ZFPM2: variants seen among roughly 807,000 people sequenced by gnomAD.
ZFPM2 encodes the protein zinc finger protein ZFPM2.
In ZFPM2, 20 loss-of-function variants were observed where a neutral mutation model predicts 98.6. The observed-to-expected ratio is 0.20, with a 90% CI of 0.14 to 0.29. ZFPM2 has a LOEUF of 0.29. Ranked by LOEUF, ZFPM2 falls within the 10% of genes least tolerant of loss-of-function variation. The probability of loss-of-function intolerance (pLI) is 1.00; values close to 1 mark genes in which losing one functional copy is unlikely to be tolerated. For synonymous variants in ZFPM2, 518 were observed against 502.7 expected, an observed-to-expected ratio of 1.03 and a Z score of -0.41; for missense variants, 1,310 against 1,388.6, an observed-to-expected ratio of 0.94 and a Z score of 0.90.
intron 7 of ZFPM2, among the ~76,000 whole-genome samples, chr8:105,799,542 A>G (rs146283314): frequency 1.1e-3 from 173 of 152,270 alleles, no homozygotes; most frequent in African/African-American, 4.1e-3. Flanking sequence ...AAATAGGCTG[A>G]AAAACAAATA....
intron 5 of ZFPM2, among the ~76,000 whole-genome samples, chr8:105,740,348 C>T (rs1459708790): frequency 6.6e-6 from 1 of 151,746 alleles, no homozygotes; most frequent in Non-Finnish European, 1.5e-5. Context: ...ACTGCTTATT[C>T]TACTGCAATG....
intron 1 of ZFPM2, chr8:105,418,567 A>G: frequency 1.9e-6 from 1 of 517,648 alleles, no homozygotes; most frequent in South Asian, 1.4e-5. Context: ...AAATTCAATT[A>G]ATTATGAATA....
chr8:105,408,447 G>A (rs753249829), intron 1 of ZFPM2, among the ~76,000 whole-genome samples: 2 of 151,814 alleles, frequency 1.3e-5, no homozygotes, highest in East Asian at 2.0e-4. Context: ...TAATTAGAGC[G>A]GATTGAACAT....
At chr8:105,764,287 GACACACAC>G (rs59943408) in intron 5 of ZFPM2, among the ~76,000 whole-genome samples, 12,981 of 139,504 alleles carry the variant, frequency 0.093, 839 homozygotes, top group East Asian at 0.35. Context: ...CTCTCTCTCT[GACACACAC>G]ACACACACAC....
At chr8:105,549,174 C>T (rs777081802) in intron 3 of ZFPM2, among the ~76,000 whole-genome samples, 1 of 151,932 alleles carries the variant, frequency 6.6e-6, no homozygotes, top group Non-Finnish European at 1.5e-5. Flanking sequence ...AATCTGCCAT[C>T]TCTATACTCT....
At position 105,457,676 on chromosome 8, in the gene ZFPM2, GATA is replaced by G. The variant is rs1341738583; in HGVS notation, c.301+13296_301+13298del. Among the ~76,000 whole-genome samples the G allele has an allele frequency of 3.3e-5, 5 of 152,324 alleles. No homozygotes were observed. In the East Asian group the frequency reaches 7.7e-4, roughly 24 times the overall value. ...GACCCACTTTAAGTTGTTACTCATA[GATA>G]GAAAATGGTTTTTGTTTGTTTGTTT... On this transcript the variant is annotated intron_variant, in intron 3 of 7. Coordinates refer to ENST00000407775, the MANE Select transcript of ZFPM2 (RefSeq NM_012082.4).
Position 105,524,343 on chromosome 8 carries a change from G to A in ZFPM2, c.302-37020G>A, listed in dbSNP as rs75005393. On this transcript the variant is annotated intron_variant, in intron 3 of 7. Transcript: ENST00000407775. ...TACCAACATTTTTTCTCCATCATTT[G>A]CAGAGTGAATGAGTAAATAAGTGAA... is the stretch of plus-strand genomic sequence containing the variant. Among the ~76,000 whole-genome samples, 426 of 152,156 alleles carry A rather than the reference G, an allele frequency of 2.8e-3. 2 individuals carry two copies. Among genetic ancestry groups the A allele is most frequent in the African/African-American group, 9.8e-3 (408 of 41,506 alleles).
chr8:105,390,454 T>G (rs1213493293), intron 1 of ZFPM2, among the ~76,000 whole-genome samples: 1 of 152,202 alleles, frequency 6.6e-6, no homozygotes, highest in Non-Finnish European at 1.5e-5. Context: ...AAACTCGGAA[T>G]GCATCATTCT....
At chr8:105,339,476 T>C (rs949772000) in intron 1 of ZFPM2, among the ~76,000 whole-genome samples, 4 of 151,808 alleles carry the variant, frequency 2.6e-5, no homozygotes, top group African/African-American at 9.7e-5. Flanking sequence ...CTGAGAGAAG[T>C]GTACAGTCAT....
chr8:105,694,121 G>C (rs1431171499), intron 5 of ZFPM2, among the ~76,000 whole-genome samples: 5 of 150,716 alleles, frequency 3.3e-5, no homozygotes, highest in African/African-American at 1.2e-4. Context: ...CGAATAGGTA[G>C]GACTACAGGC....
chr8:105,501,261 C>G (rs1181562267), intron 3 of ZFPM2, among the ~76,000 whole-genome samples: 3 of 150,586 alleles, frequency 2.0e-5, no homozygotes, highest in Non-Finnish European at 4.4e-5. Context: ...CAGCTGGCTG[C>G]AAACTCTGCC....
At chr8:105,767,696 A>G (rs1021530985) in intron 5 of ZFPM2, among the ~76,000 whole-genome samples, 3 of 151,868 alleles carry the variant, frequency 2.0e-5, no homozygotes, top group African/African-American at 7.2e-5. Flanking sequence ...AAAATAGACA[A>G]TCAGGGAATA....
At chr8:105,383,468 CTGTTT>C (rs1468340748) in intron 1 of ZFPM2, among the ~76,000 whole-genome samples, 3 of 151,912 alleles carry the variant, frequency 2.0e-5, no homozygotes, top group Non-Finnish European at 4.4e-5. Flanking sequence ...TTTTGTTCTT[CTGTTT>C]TAATATATTT....
chr8:105,558,936 A>G (rs1815064772), intron 3 of ZFPM2, among the ~76,000 whole-genome samples: 1 of 152,174 alleles, frequency 6.6e-6, no homozygotes, highest in African/African-American at 2.4e-5. Context: ...AAAAATACTG[A>G]GAACTCCTAG....
chr8:105,385,761 A>G (rs1002331961), intron 1 of ZFPM2, among the ~76,000 whole-genome samples: 1 of 152,194 alleles, frequency 6.6e-6, no homozygotes, highest in Non-Finnish European at 1.5e-5. Context: ...GGCACATTTT[A>G]TCCATAGAGG....
chr8:105,789,737 G>C (rs375920468), intron 6 of ZFPM2, among the ~76,000 whole-genome samples: 7 of 152,222 alleles, frequency 4.6e-5, no homozygotes, highest in Middle Eastern at 3.4e-3. Context: ...CACATCCTCT[G>C]CAGCACCTGT....
At chr8:105,625,523 G>A (rs757266491) in intron 4 of ZFPM2, among the ~76,000 whole-genome samples, 11 of 151,656 alleles carry the variant, frequency 7.3e-5, no homozygotes, top group Non-Finnish European at 1.6e-4. Flanking sequence ...ATGGCTCGCT[G>A]TGTTTGGTAC....
At chr8:105,578,499 G>C (rs140329357) in intron 4 of ZFPM2, among the ~76,000 whole-genome samples, 1 of 152,100 alleles carries the variant, frequency 6.6e-6, no homozygotes, top group South Asian at 2.1e-4. Flanking sequence ...AATATATACA[G>C]CATTTAAAAG....
intron 4 of ZFPM2, among the ~76,000 whole-genome samples, chr8:105,602,967 T>G (rs1181576270): frequency 2.0e-5 from 3 of 152,140 alleles, no homozygotes; most frequent in Non-Finnish European, 4.4e-5. Context: ...TAAATTATTT[T>G]TGAAAGCTTT....
Sources: allele counts gnomAD v4.1 joint callset (sites outside exome capture counted in the v4.1 genomes callset), GRCh38; gene constraint gnomAD v4.1.1; transcripts MANE v1.5; gene names NCBI Gene and HGNC (gene_info 2026-07-23, HGNC 2026-07-21).